HIVEP3: variants seen among roughly 807,000 people sequenced by gnomAD.
HIVEP3 encodes HIVEP zinc finger 3.
A neutral mutation model predicts 152.8 loss-of-function variants in HIVEP3; 49 were observed. The observed-to-expected ratio is 0.32, with a 90% CI of 0.26 to 0.41. The LOEUF is 0.41. Among genes scored for constraint, HIVEP3 ranks in the 10% least tolerant of loss-of-function variants. The probability of loss-of-function intolerance (pLI) is 1.00; values close to 1 mark genes in which losing one functional copy is unlikely to be tolerated. For synonymous variants in HIVEP3, 1,269 were observed against 1,289.0 expected (o/e 0.98, Z 0.33); for missense variants, 2,790 against 3,103.3 (o/e 0.90, Z 2.40).
At chr1:41,830,245 T>C (rs911942866) in intron 1 of HIVEP3, among the ~76,000 whole-genome samples, 5 of 151,624 alleles carry the variant, frequency 3.3e-5, no homozygotes, top group Admixed American at 1.3e-4. Flanking sequence ...ATTTGCCTAA[T>C]TCATTTCTGC....
intron 2 of HIVEP3, among the ~76,000 whole-genome samples, chr1:41,632,313 G>A (rs77938828): frequency 0.026 from 3,916 of 152,238 alleles, 186 homozygotes; most frequent in African/African-American, 0.091. Context: ...AGGTGCCAGC[G>A]TTAATAGATG....
At chr1:41,816,011 C>T (rs1336608620) in intron 1 of HIVEP3, among the ~76,000 whole-genome samples, 1 of 152,076 alleles carries the variant, frequency 6.6e-6, no homozygotes, top group African/African-American at 2.4e-5. Context: ...GGAGTAAGTC[C>T]CCAAAGAGCT....
chr1:41,932,748 T>C (rs528000015), intron 1 of HIVEP3, among the ~76,000 whole-genome samples: 22 of 151,898 alleles, frequency 1.4e-4, no homozygotes, highest in African/African-American at 5.3e-4. Context: ...GTTTTTTTCT[T>C]TTTAGGGTGG....
At chr1:41,639,509 C>G (rs1292688227) in intron 2 of HIVEP3, among the ~76,000 whole-genome samples, 1 of 152,170 alleles carries the variant, frequency 6.6e-6, no homozygotes, top group Non-Finnish European at 1.5e-5. Context: ...GAGTATGAAC[C>G]CAGTATACAA....
At chr1:41,800,446 G>C (rs1429939386) in intron 1 of HIVEP3, among the ~76,000 whole-genome samples, 1 of 152,248 alleles carries the variant, frequency 6.6e-6, no homozygotes, top group Admixed American at 6.5e-5. Flanking sequence ...GGCTGCTCCA[G>C]CCAAGAGCTG....
chr1:41,564,221 A>C (rs1364018710), intron 5 of HIVEP3, among the ~76,000 whole-genome samples: 3 of 152,198 alleles, frequency 2.0e-5, no homozygotes, highest in South Asian at 4.2e-4. Context: ...AACAAGAAAA[A>C]ACTCAATAGA....
intron 1 of HIVEP3, among the ~76,000 whole-genome samples, chr1:41,734,469 G>C (rs1646887137): frequency 1.3e-5 from 2 of 152,236 alleles, no homozygotes; most frequent in African/African-American, 2.4e-5. Flanking sequence ...GTCCAGGCTG[G>C]TGTTGAACAT....
chr1:41,926,064 G>A (rs1220302383), intron 1 of HIVEP3, among the ~76,000 whole-genome samples: 7 of 152,042 alleles, frequency 4.6e-5, no homozygotes, highest in South Asian at 4.2e-4. Context: ...GCAGAGCAAC[G>A]AGATAGAAGG....
intron 1 of HIVEP3, among the ~76,000 whole-genome samples, chr1:42,005,416 G>GTA (rs749724821): frequency 7.9e-5 from 12 of 151,600 alleles, no homozygotes; most frequent in South Asian, 2.1e-4. Flanking sequence ...ACACATATGT[G>GTA]TATATATATA....
intron 1 of HIVEP3, among the ~76,000 whole-genome samples, chr1:41,961,131 G>T (rs1439474670): frequency 6.6e-6 from 1 of 152,158 alleles, no homozygotes; most frequent in Non-Finnish European, 1.5e-5. Flanking sequence ...CTTGTAAGTG[G>T]CCTGATAGTC....
chr1:41,863,080 A>T (rs1267832587), intron 1 of HIVEP3, among the ~76,000 whole-genome samples: 1 of 152,238 alleles, frequency 6.6e-6, no homozygotes, highest in Non-Finnish European at 1.5e-5. Flanking sequence ...ACAGAAGTTG[A>T]ATTTCACAGG....
At chr1:41,602,823 A>T (rs1325874957) in intron 3 of HIVEP3, among the ~76,000 whole-genome samples, 2 of 151,390 alleles carry the variant, frequency 1.3e-5, no homozygotes, top group African/African-American at 4.9e-5. Flanking sequence ...CTTATTTGAG[A>T]TCCTTCTTCT....
chr1:41,877,777 C>A (rs2124422091), intron 1 of HIVEP3, among the ~76,000 whole-genome samples: 1 of 152,248 alleles, frequency 6.6e-6, no homozygotes, highest in African/African-American at 2.4e-5. Context: ...GGGTGGGATT[C>A]ATCTTATCTT....
intron 2 of HIVEP3, among the ~76,000 whole-genome samples, chr1:41,658,361 G>A (rs2124038145): frequency 6.6e-6 from 1 of 152,322 alleles, no homozygotes; most frequent in Non-Finnish European, 1.5e-5. Context: ...GCTCAAACCA[G>A]TTATTTGACC....
At chr1:41,925,140 C>T (rs1242480183) in intron 1 of HIVEP3, among the ~76,000 whole-genome samples, 3 of 152,094 alleles carry the variant, frequency 2.0e-5, no homozygotes, top group Non-Finnish European at 4.4e-5. Flanking sequence ...ATTGTAAAAA[C>T]AAAACAAAAC....
intron 1 of HIVEP3, among the ~76,000 whole-genome samples, chr1:41,891,063 C>CACTG (rs2124440904): frequency 6.6e-6 from 1 of 152,288 alleles, no homozygotes; most frequent in Non-Finnish European, 1.5e-5. Context: ...CCCAGATGGC[C>CACTG]ACTGCCACCT....
chr1:41,672,481 C>G (rs573699170), intron 2 of HIVEP3, among the ~76,000 whole-genome samples: 36 of 152,350 alleles, frequency 2.4e-4, no homozygotes, highest in Admixed American at 2.0e-3. Context: ...GTGCCTCTCC[C>G]TACCTTTCTG....
Position 41,583,138 on chromosome 1 carries a change from G to A in HIVEP3, c.1660C>T (p.His554Tyr), listed in dbSNP as rs377309830. ...PSAACTISTP[H>Y]HPFRGSYSFD... ...GAGTAGCTACCTCGGAAGGGGTGGT[G>A]GGGGGTGCTGATAGTGCAGGCGGCA... Residue 554 changes from histidine to tyrosine, a missense_variant, in exon 4 of 9, where the codon CAC becomes TAC. Transcript: ENST00000372583. The surrounding 1 kb of genome is among the most constrained non-coding windows in gnomAD (Gnocchi z 6.9). 3.1e-6 allele frequency: 5 copies of A among 1,612,950 alleles called. No homozygotes were observed. Among genetic ancestry groups the A allele is most frequent in the Admixed American group, 1.7e-5 (1 of 59,976 alleles).
intron 1 of HIVEP3, among the ~76,000 whole-genome samples, chr1:41,794,103 A>G (rs1311385874): frequency 6.6e-6 from 1 of 152,188 alleles, no homozygotes; most frequent in Non-Finnish European, 1.5e-5. Context: ...AGACTGGGTA[A>G]TTTATAAAGG....
Sources: gnomAD v4.1 joint callset for allele counts (sites outside exome capture counted in the v4.1 genomes callset) on GRCh38, gnomAD v4.1.1 for gene constraint, Gnocchi (gnomAD v3.1) non-coding constraint, MANE v1.5 for transcripts, NCBI Gene and HGNC (gene_info 2026-07-23, HGNC 2026-07-21) for gene names.